Variants in DSCAM observed in about 807,000 individuals in gnomAD.
The protein encoded by DSCAM is DS cell adhesion molecule, also known as cell adhesion molecule DSCAM.
Under a neutral mutation model 217.7 loss-of-function variants are expected in DSCAM, and 47 were observed. That is an observed-to-expected ratio of 0.22 (90% CI 0.17 to 0.28). The LOEUF (loss-of-function observed/expected upper bound fraction) is 0.28, where lower values mean the gene tolerates loss of function less well. Among genes scored for constraint, DSCAM ranks in the 10% least tolerant of loss-of-function variants. DSCAM has a pLI of 1.00. For missense variants in DSCAM, 2,080 were observed against 2,618.3 expected, an observed-to-expected ratio of 0.79 and a Z score of 4.49; for synonymous variants, 1,056 against 1,015.3, an observed-to-expected ratio of 1.04 and a Z score of -0.76.
chr21:40,373,075 C>T (rs898401870), intron 3 of DSCAM, among the ~76,000 whole-genome samples: 5 of 152,062 alleles, frequency 3.3e-5, no homozygotes, highest in African/African-American at 1.2e-4. Context: ...AGCTGAGCCG[C>T]AAAAAACACT....
Position 40,271,695 on chromosome 21 carries a change from C to A in DSCAM, c.2356+4402G>T, listed in dbSNP as rs139093662. Among the ~76,000 whole-genome samples, 612 of 152,276 alleles carry A rather than the reference C, an allele frequency of 4.0e-3. 2 individuals carry two copies. Among genetic ancestry groups the A allele is most frequent in the African/African-American group, 0.013 (557 of 41,554 alleles). ...GATGGCTACAAGATGAAAAGCTACACGCTTCCCTCATATTTTGCCCACAAG... is the reference window on the plus strand; with the variant it reads ...GATGGCTACAAGATGAAAAGCTACAAGCTTCCCTCATATTTTGCCCACAAG... On this transcript the variant is annotated intron_variant, in intron 11 of 32. Transcript: ENST00000400454.
intron 27 of DSCAM, among the ~76,000 whole-genome samples, chr21:40,067,417 A>T (rs531316767): frequency 6.6e-6 from 1 of 152,264 alleles, no homozygotes; most frequent in East Asian, 1.9e-4. Flanking sequence ...GAACCCTAAA[A>T]TGTTATCCTT....
At chr21:40,367,616 T>G (rs2074847278) in intron 4 of DSCAM, among the ~76,000 whole-genome samples, 3 of 152,366 alleles carry the variant, frequency 2.0e-5, no homozygotes, top group South Asian at 4.1e-4. Context: ...AAAATTTCAA[T>G]GACAAAAAAT....
At chr21:40,444,916 C>T (rs554574918) in intron 3 of DSCAM, among the ~76,000 whole-genome samples, 57 of 152,340 alleles carry the variant, frequency 3.7e-4, no homozygotes, top group African/African-American at 1.3e-3. Context: ...TTCAAAGCTT[C>T]TCTATCACTG....
intron 28 of DSCAM, among the ~76,000 whole-genome samples, chr21:40,056,366 C>T (rs1303687011): frequency 1.3e-5 from 2 of 152,062 alleles, no homozygotes; most frequent in African/African-American, 2.4e-5. Context: ...GCTTCCCTGA[C>T]GTTAGTTTTC....
chr21:40,228,933 T>C (rs365191), intron 11 of DSCAM, among the ~76,000 whole-genome samples: 72,466 of 151,502 alleles, frequency 0.48, 18,003 homozygotes, highest in African/African-American at 0.63. Flanking sequence ...TATTCCTGTA[T>C]GTATCCATTG....
At position 40,670,975 on chromosome 21, in the gene DSCAM, G is replaced by A. The variant is rs1033072708; in HGVS notation, c.508+21835C>T. ...AAAATAGTCTCCATTAAAAAATATTGTAATCAGATTATAAGAAAATGCATC... is the reference window on the plus strand; with the variant it reads ...AAAATAGTCTCCATTAAAAAATATTATAATCAGATTATAAGAAAATGCATC... On this transcript the variant is annotated intron_variant, in intron 3 of 32. Transcript: ENST00000400454. Among the ~76,000 whole-genome samples, 31 of 152,102 alleles carry A rather than the reference G, an allele frequency of 2.0e-4. 1 individual carries two copies. Among genetic ancestry groups the A allele is most frequent in the African/African-American group, 6.8e-4 (28 of 41,396 alleles).
chr21:40,485,125 C>G (rs2076014252), intron 3 of DSCAM, among the ~76,000 whole-genome samples: 1 of 152,126 alleles, frequency 6.6e-6, no homozygotes, highest in Non-Finnish European at 1.5e-5. Flanking sequence ...CAACACAAGA[C>G]TCACTGAGGT....
In DSCAM at chr21:40,640,295, G is replaced by A. The variant is rs116025605; in HGVS notation, c.508+52515C>T. 6.4e-3 allele frequency among the ~76,000 whole-genome samples: 967 copies of A among 151,478 alleles called. 11 individuals are homozygous for A. The highest frequency in any genetic ancestry group is 0.022 in the African/African-American group (926 of 41,480). On this transcript the variant is annotated intron_variant, in intron 3 of 32. Transcript: ENST00000400454. ...CTCCATCCCTGACTTTCTCCCCAGC[G>A]GAGGGAGAACAGGGCAGGGTGATGT... is the stretch of plus-strand genomic sequence containing the variant.
intron 3 of DSCAM, among the ~76,000 whole-genome samples, chr21:40,581,187 C>T (rs1272966177): frequency 6.6e-6 from 1 of 152,146 alleles, no homozygotes; most frequent in African/African-American, 2.4e-5. Context: ...ATATGTGGTC[C>T]TCTGGCAGAA....
At chr21:40,653,973 T>A (rs1413011527) in intron 3 of DSCAM, among the ~76,000 whole-genome samples, 2 of 151,766 alleles carry the variant, frequency 1.3e-5, no homozygotes, top group Non-Finnish European at 2.9e-5. Context: ...CGGGCACCTG[T>A]AATCCCAGCT....
rs528690564 is a variant in DSCAM at position 40,353,238 on chromosome 21, G to T, written c.934+227C>A. Reference sequence around the variant, plus strand: ...GGAAATCACAGAGGTTTGGGGATCAGAAAGATTTCAAATCAAATCCGACAG... The same window carrying T: ...GGAAATCACAGAGGTTTGGGGATCATAAAGATTTCAAATCAAATCCGACAG... On this transcript the variant is annotated intron_variant, in intron 5 of 32. Transcript: ENST00000400454. 3.8e-4 allele frequency among the ~76,000 whole-genome samples: 58 copies of T among 152,296 alleles called. 1 individual carries two copies. The highest frequency in any genetic ancestry group is 1.3e-3 in the African/African-American group (54 of 41,556).
At chr21:40,308,218 C>T (rs1392221690) in intron 9 of DSCAM, among the ~76,000 whole-genome samples, 5 of 152,086 alleles carry the variant, frequency 3.3e-5, no homozygotes, top group Non-Finnish European at 5.9e-5. Flanking sequence ...TTGTTGTCTT[C>T]CTTTTTAGTG....
At chr21:40,745,946 T>C (rs1214489411) in intron 1 of DSCAM, among the ~76,000 whole-genome samples, 1 of 152,084 alleles carries the variant, frequency 6.6e-6, no homozygotes, top group Non-Finnish European at 1.5e-5. Flanking sequence ...TTTTTCTTGC[T>C]TTAATTTGCA....
chr21:40,445,129 A>G lies in DSCAM; in HGVS notation c.509-75884T>C, dbSNP rs1045743309. Among the ~76,000 whole-genome samples the G allele has an allele frequency of 2.6e-5, 4 of 152,112 alleles. No homozygotes were observed. In the East Asian group the frequency reaches 7.7e-4, roughly 29 times the overall value. ...GAAGAGACAAGGCAGCCCCTTCAAC[A>G]TCTGTTATGAGAGCACTAATCCCAT... On this transcript the variant is annotated intron_variant, in intron 3 of 32. Coordinates refer to ENST00000400454, the MANE Select transcript of DSCAM (RefSeq NM_001389.5).
At chr21:40,142,368 G>A (rs1961202963) in intron 18 of DSCAM, among the ~76,000 whole-genome samples, 190 bp downstream of exon 18, 3 of 152,164 alleles carry the variant, frequency 2.0e-5, no homozygotes, top group Non-Finnish European at 2.9e-5. Context: ...GGGTTTCGAA[G>A]GTGTGTGATG....
At chr21:40,167,088 C>A in intron 16 of DSCAM, 130 bp downstream of exon 16, 1 of 736,288 alleles carries the variant, frequency 1.4e-6, no homozygotes, top group South Asian at 2.1e-5. Flanking sequence ...AAGAAAAGGG[C>A]TTTCAACTTA....
At chr21:40,277,285 G>C (rs1038920329) in intron 10 of DSCAM, among the ~76,000 whole-genome samples, 1 of 152,162 alleles carries the variant, frequency 6.6e-6, no homozygotes, top group Admixed American at 6.5e-5. Context: ...CACGGGAGCT[G>C]AACAAGTCAG....
chr21:40,046,454 G>A lies in DSCAM; in HGVS notation c.5186-2179C>T, dbSNP rs1274159129. On this transcript the variant is annotated intron_variant, in intron 30 of 32. Transcript: ENST00000400454. ...TTGTCCTTGATGAGAATGTAAATGA[G>A]TTATGTTGGAGCTCTACACAACCAG... 2.7e-5 allele frequency among the ~76,000 whole-genome samples: 4 copies of A among 150,490 alleles called. 1 individual carries two copies. The East Asian group carries it at 6.0e-4, about 22-fold the overall frequency.
Sources: allele counts gnomAD v4.1 joint callset (sites outside exome capture counted in the v4.1 genomes callset), GRCh38; gene constraint gnomAD v4.1.1; transcripts MANE v1.5; gene names NCBI Gene and HGNC (gene_info 2026-07-23, HGNC 2026-07-21).